FAF1: variants seen among roughly 807,000 people sequenced by gnomAD.
FAF1 encodes FAS-associated factor 1.
A neutral mutation model predicts 92.5 loss-of-function variants in FAF1; 25 were observed. That is an observed-to-expected ratio of 0.27 (90% CI 0.20 to 0.38). The LOEUF is 0.38. FAF1 is among the 10% of genes least tolerant of loss of function. FAF1 has a pLI of 1.00. For synonymous variants in FAF1, 234 were observed against 273.2 expected (o/e 0.86, Z 1.42); for missense variants, 636 against 793.3 (o/e 0.80, Z 2.38).
chr1:50,464,592 T>C (rs17382478), intron 18 of FAF1, among the ~76,000 whole-genome samples: 10,147 of 152,276 alleles, frequency 0.067, 449 homozygotes, highest in Non-Finnish European at 0.1. Context: ...GAATGAAGAA[T>C]GTGTCTAAAA....
intron 4 of FAF1, among the ~76,000 whole-genome samples, chr1:50,777,256 G>GAA (rs755973344): frequency 2.1e-5 from 3 of 141,500 alleles, no homozygotes; most frequent in South Asian, 2.2e-4. Context: ...TTCAAAAAGT[G>GAA]AAAAAAAAAA....
At chr1:50,676,289 C>A (rs1656115050) in intron 7 of FAF1, among the ~76,000 whole-genome samples, 1 of 151,738 alleles carries the variant, frequency 6.6e-6, no homozygotes, top group Non-Finnish European at 1.5e-5. Context: ...CAGCTGTAAT[C>A]CCAGCTACTC....
intron 15 of FAF1, among the ~76,000 whole-genome samples, chr1:50,516,621 T>A (rs774221698): frequency 2.6e-5 from 4 of 152,172 alleles, no homozygotes; most frequent in Non-Finnish European, 4.4e-5. Flanking sequence ...GTTAGACAGC[T>A]CCTTTCTTGA....
chr1:50,684,023 C>G (rs1458910087), intron 7 of FAF1, among the ~76,000 whole-genome samples: 1 of 151,648 alleles, frequency 6.6e-6, no homozygotes, highest in East Asian at 1.9e-4. Flanking sequence ...AAAAATTAAT[C>G]AGTTAGTTAC....
intron 15 of FAF1, among the ~76,000 whole-genome samples, chr1:50,525,676 G>T (rs1647753131): frequency 6.6e-6 from 1 of 152,134 alleles, no homozygotes; most frequent in African/African-American, 2.4e-5. Context: ...GTACGATGTT[G>T]GCTGTGGGTT....
rs573267017 is a variant in FAF1 at position 50,633,828 on chromosome 1, T to C, written c.744+21614A>G. On this transcript the variant is annotated intron_variant, in intron 8 of 18. Coordinates refer to ENST00000396153, the MANE Select transcript of FAF1 (RefSeq NM_007051.3). The stretch of plus-strand genomic sequence containing the variant: ...ACCCCCGTGAGGTTTGATATGTAAC[T>C]GCCACTCAAAGCTGTCTGTAATTTT... Among the ~76,000 whole-genome samples, 8 of 152,362 alleles carry C rather than the reference T, an allele frequency of 5.3e-5. No homozygotes were observed. In the South Asian group the frequency reaches 1.7e-3, roughly 32 times the overall value.
intron 2 of FAF1, among the ~76,000 whole-genome samples, chr1:50,817,413 T>C (rs966303885): frequency 6.6e-6 from 1 of 152,204 alleles, no homozygotes; most frequent in Non-Finnish European, 1.5e-5. Flanking sequence ...ATGATTCCAT[T>C]TACATGAGGT....
chr1:50,672,877 A>G (rs756458969), intron 7 of FAF1, among the ~76,000 whole-genome samples: 8 of 152,062 alleles, frequency 5.3e-5, no homozygotes, highest in Non-Finnish European at 8.8e-5. Context: ...TCAGCACTCT[A>G]GGGGCTGAGG....
intron 1 of FAF1, among the ~76,000 whole-genome samples, chr1:50,937,087 G>C (rs572634715): frequency 6.6e-5 from 10 of 152,162 alleles, no homozygotes; most frequent in African/African-American, 2.4e-4. Context: ...TCAAATGATT[G>C]AATTTAGGAT....
At chr1:50,627,599 A>G (rs1016393619) in intron 8 of FAF1, among the ~76,000 whole-genome samples, 18 of 152,144 alleles carry the variant, frequency 1.2e-4, no homozygotes, top group African/African-American at 4.3e-4. Flanking sequence ...GAGGGAGTGA[A>G]AGAGACAAAT....
intron 8 of FAF1, among the ~76,000 whole-genome samples, chr1:50,646,827 T>C (rs934023799): frequency 6.6e-5 from 10 of 152,148 alleles, no homozygotes; most frequent in Non-Finnish European, 1.5e-4. Context: ...GAACTAAATA[T>C]GATCTCAGAA....
chr1:50,744,560 A>T, intron 5 of FAF1, 124 bp downstream of exon 5: 1 of 662,384 alleles, frequency 1.5e-6, no homozygotes, highest in Non-Finnish European at 2.6e-6. Context: ...CCTTAAACTA[A>T]ATTACTATTG....
At chr1:50,634,463 C>T (rs1027934217) in intron 8 of FAF1, among the ~76,000 whole-genome samples, 21 of 152,146 alleles carry the variant, frequency 1.4e-4, no homozygotes, top group African/African-American at 4.8e-4. Flanking sequence ...TGTTCAAATG[C>T]AATAGACAGC....
At chr1:50,443,202 G>A (rs982426102) in intron 18 of FAF1, among the ~76,000 whole-genome samples, 10 of 152,176 alleles carry the variant, frequency 6.6e-5, no homozygotes, top group African/African-American at 2.4e-4. Context: ...TTTGTTGGGA[G>A]AAACGATCAT....
chr1:50,579,688 A>G (rs975962337), intron 12 of FAF1, among the ~76,000 whole-genome samples: 4 of 152,168 alleles, frequency 2.6e-5, no homozygotes, highest in African/African-American at 7.2e-5. Flanking sequence ...CAAGGAAACA[A>G]TCACACAAAT....
At chr1:50,767,505 CAT>C (rs1489137521) in intron 4 of FAF1, among the ~76,000 whole-genome samples, 1 of 152,218 alleles carries the variant, frequency 6.6e-6, no homozygotes, top group South Asian at 2.1e-4. Context: ...GCCCAAGACA[CAT>C]AGTCTTCAGA....
intron 8 of FAF1, among the ~76,000 whole-genome samples, chr1:50,629,586 A>C (rs1197818322): frequency 6.6e-6 from 1 of 152,214 alleles, no homozygotes; most frequent in Non-Finnish European, 1.5e-5. Context: ...GAAATAATTT[A>C]TGGTATAGTA....
intron 2 of FAF1, among the ~76,000 whole-genome samples, chr1:50,823,488 T>A (rs1027914087): frequency 6.6e-6 from 1 of 152,180 alleles, no homozygotes; most frequent in East Asian, 1.9e-4. Flanking sequence ...ATTCCATTCT[T>A]CCATCTGGCC....
intron 8 of FAF1, among the ~76,000 whole-genome samples, chr1:50,625,047 G>A (rs183138819): frequency 3.6e-4 from 54 of 151,956 alleles, no homozygotes; most frequent in African/African-American, 1.2e-3. Context: ...GATTACAGGC[G>A]TGCACCACCA....
Sources: allele counts gnomAD v4.1 joint callset (sites outside exome capture counted in the v4.1 genomes callset), GRCh38; gene constraint gnomAD v4.1.1; transcripts MANE v1.5; gene names NCBI Gene and HGNC (gene_info 2026-07-23, HGNC 2026-07-21).